CDK10: variants seen among roughly 807,000 people sequenced by gnomAD.
The protein encoded by CDK10 is cyclin-dependent kinase 10.
CDK10 carries 55 observed loss-of-function variants against 51.0 expected under a neutral mutation model. The ratio of observed to expected loss-of-function variants is 1.08; its 90% CI spans 0.87 to 1.35. The LOEUF (loss-of-function observed/expected upper bound fraction) is 1.35, where lower values mean the gene tolerates loss of function less well. CDK10 is among the 40% of genes most tolerant of loss of function. The pLI, the probability that CDK10 is intolerant of heterozygous loss-of-function variation, is 0.00. For missense variants in CDK10, 589 were observed against 485.1 expected (o/e 1.21, Z -2.01); for synonymous variants, 255 against 199.1 (o/e 1.28, Z -2.36).
chr16:89,687,258 G>C (rs1426696986), intron 1 of CDK10: 5 of 331,764 alleles, frequency 1.5e-5, no homozygotes, highest in Admixed American at 1.1e-4. Flanking sequence ...CCCTGGGCGC[G>C]TCCCTTGCGG....
intron 1 of CDK10, among the ~76,000 whole-genome samples, chr16:89,688,780 A>G (rs1028041254): frequency 6.6e-6 from 1 of 152,206 alleles, no homozygotes; most frequent in Non-Finnish European, 1.5e-5. Context: ...GCATTGGCCC[A>G]GTATCGTCAC....
At chr16:89,687,603 G>T (rs1176478375) in intron 1 of CDK10, 2 of 444,648 alleles carry the variant, frequency 4.5e-6, no homozygotes, top group Non-Finnish European at 9.2e-6. Context: ...TAGCGCTCTC[G>T]CCCAGGCTGG....
rs1388367832 is a variant in CDK10 at position 89,694,729 on chromosome 16, A to T, written c.733A>T (p.Ile245Phe). 1 of 1,579,300 alleles carries T rather than the reference A, an allele frequency of 6.3e-7. No homozygotes were observed. The highest frequency in any genetic ancestry group is 8.6e-7 in the Non-Finnish European group (1 of 1,163,180). Reference sequence around the variant, plus strand: ...GCCTCTTCTCCCCGGCACTTCCGAGATCCACCAGATCGACTTGATCGTGCA... The same window carrying T: ...GCCTCTTCTCCCCGGCACTTCCGAGTTCCACCAGATCGACTTGATCGTGCA... ...HRPLLPGTSE[I>F]HQIDLIVQLL... The change falls in exon 10 of 13, where the codon ATC becomes TTC. Residue 245 changes from isoleucine (I) to phenylalanine (F), a missense_variant. Physicochemically the swap from Ile to Phe is conservative, Grantham distance 21. Coordinates refer to ENST00000353379, the MANE Select transcript of CDK10 (RefSeq NM_052988.5).
chr16:89,694,172 G>C lies in CDK10; in HGVS notation c.609-1G>C. On this transcript the variant is annotated splice_acceptor_variant, in intron 8 of 12. Transcript: ENST00000353379. LOFTEE classifies it high-confidence loss of function. ...ATTGAGGTGGGTGCTTCTGTGTGTA[G>C]GTACCGAGCCCCTGAACTGCTGTTG... 6.2e-7 allele frequency: 1 copy of C among 1,614,016 alleles called. No individual in the cohort carries two copies. The highest frequency in any genetic ancestry group is 1.1e-5 in the South Asian group (1 of 91,074).
intron 2 of CDK10, 180 bp from the exon 3 acceptor site, chr16:89,690,373 C>T (rs1450957706): frequency 1.3e-5 from 8 of 621,212 alleles, no homozygotes; most frequent in African/African-American, 1.8e-5. Context: ...GGAAACCCTC[C>T]GGGGGAACGC....
chr16:89,695,638 C>T lies in CDK10; in HGVS notation c.1029C>T (p.Asn343=). The change falls in exon 13 of 13, where the codon AAC becomes AAT. Residue 343 remains asparagine (N), a synonymous_variant. Transcript: ENST00000353379. ...TGCCGACCTTTCCCCACCACCGCAACAAGCGGGCCGCCCCAGCCACCTCCG... is the reference window on the plus strand; with the variant it reads ...TGCCGACCTTTCCCCACCACCGCAATAAGCGGGCCGCCCCAGCCACCTCCG... The part of the protein sequence containing the change: ...ELMPTFPHHR[N]KRAAPATSEG... 6.2e-7 allele frequency: 1 copy of T among 1,605,688 alleles called. No individual in the cohort carries two copies. Among genetic ancestry groups the T allele is most frequent in the Non-Finnish European group, 8.5e-7 (1 of 1,177,672 alleles).
Position 89,695,597 on chromosome 16 carries a change from T to C in CDK10, c.988T>C (p.Cys330Arg). Residue 330 changes from cysteine to arginine, a missense_variant and splice_region_variant, in exon 13 of 13, where the codon TGT becomes CGT. By Grantham distance (180) the Cys-to-Arg change is radical. Coordinates refer to ENST00000353379, the MANE Select transcript of CDK10 (RefSeq NM_052988.5). Reference protein sequence around the residue: ...SSYFKEKPLPCEPELMPTFPH... With the variant: ...SSYFKEKPLPREPELMPTFPH... ...GCACTGAACCCTTCTCCCTGCAGCC[T>C]GTGAGCCGGAGCTCATGCCGACCTT... The C allele has an allele frequency of 6.2e-7, 1 of 1,602,510 alleles. No homozygotes were observed. The highest frequency in any genetic ancestry group is 2.3e-5 in the East Asian group (1 of 44,118).
Position 89,695,544 on chromosome 16 carries a change from C to G in CDK10, c.986-51C>G, listed in dbSNP as rs574376606. On this transcript the variant is annotated intron_variant, in intron 12 of 12. Transcript: ENST00000353379. Reference sequence around the variant, plus strand: ...AGCTGGACTCAGACCTGGGCCTGCTCCTCCTATCTGGGGCCCTGCCCCGCC... The same window carrying G: ...AGCTGGACTCAGACCTGGGCCTGCTGCTCCTATCTGGGGCCCTGCCCCGCC... 1.3e-5 allele frequency: 20 copies of G among 1,565,720 alleles called. No homozygotes were observed. The East Asian group carries it at 4.8e-4, about 37-fold the overall frequency.
intron 6 of CDK10, 60 bp downstream of exon 6, chr16:89,692,576 C>T (rs2060501243): frequency 7.8e-7 from 1 of 1,282,160 alleles, no homozygotes; most frequent in African/African-American, 1.5e-5. Flanking sequence ...ACTCTGCTGC[C>T]CCTGTGGAGT....
At chr16:89,689,941 C>T (rs11076612) in intron 2 of CDK10, 61,239 of 153,564 alleles carry the variant, frequency 0.4, 13,990 homozygotes, top group African/African-American at 0.62. Flanking sequence ...GCCTCGGCCT[C>T]CCAAAGCACT....
rs1362376743 is a variant in CDK10 at position 89,693,454 on chromosome 16, G to T, written c.595G>T (p.Val199Leu). Residue 199 changes from valine to leucine, a missense_variant, in exon 8 of 13, where the codon GTG becomes TTG. Val to Leu is a conservative substitution (Grantham distance 32). Coordinates refer to ENST00000353379, the MANE Select transcript of CDK10 (RefSeq NM_052988.5). ...CCCAGTAAAGCCAATGACCCCCAAG[G>T]TGGTCACTCTCTGGTAAGTCCTTCT... ...GVPVKPMTPK[V>L]VTLWYRAPEL... is the part of the protein sequence containing the mutation. 6.2e-7 allele frequency: 1 copy of T among 1,614,170 alleles called. No individual in the cohort carries two copies. The highest frequency in any genetic ancestry group is 1.1e-5 in the South Asian group (1 of 91,082).
rs762430233 is a variant in CDK10, at chr16:89,689,336, A to C, written c.160+12A>C. On this transcript the variant is annotated intron_variant, in intron 2 of 12. Transcript: ENST00000353379. ...CTACGGCATTGTGTGTGAGTGGCCAAGGCTAGGACATGTGGCCGCAGCTCG... is the reference window on the plus strand; with the variant it reads ...CTACGGCATTGTGTGTGAGTGGCCACGGCTAGGACATGTGGCCGCAGCTCG... 1.2e-6 allele frequency: 2 copies of C among 1,611,524 alleles called. No individual in the cohort carries two copies. Among genetic ancestry groups the C allele is most frequent in the East Asian group, 4.5e-5 (2 of 44,880 alleles).
chr16:89,692,300 G>C (rs534118616), intron 5 of CDK10, 149 bp from the exon 6 acceptor site: 7 of 565,758 alleles, frequency 1.2e-5, no homozygotes, highest in South Asian at 1.0e-4. Context: ...TGCTGGGAGC[G>C]TGCAGCCCCG....
intron 1 of CDK10, 158 bp downstream of exon 1, chr16:89,686,955 G>C: frequency 1.6e-6 from 1 of 625,154 alleles, no homozygotes; most frequent in Non-Finnish European, 2.6e-6. Context: ...AAGCCGGGGC[G>C]GGGCGGGCTC....
intron 2 of CDK10, 79 bp from the exon 3 acceptor site, chr16:89,690,474 G>A: frequency 7.8e-7 from 1 of 1,275,682 alleles, no homozygotes; most frequent in Non-Finnish European, 1.1e-6. Flanking sequence ...CTGTGGCTCA[G>A]GGAGAGCCTC....
rs74962884 is a variant in CDK10, at chr16:89,693,842, C to G, written c.609-331C>G. On this transcript the variant is annotated intron_variant, in intron 8 of 12. Transcript: ENST00000353379. The stretch of plus-strand genomic sequence containing the variant: ...TTAACCAAACAGGGTCATGCTTAGC[C>G]AGGGCTGAATATCAGAGTTGGTCAG... 0.013 allele frequency: 6,903 copies of G among 551,538 alleles called. 541 individuals are homozygous for G. The East Asian group carries it at 0.15, about 12-fold the overall frequency. 34.2% of individuals were successfully genotyped at this position (551,538 alleles called of 1,614,324 possible). A position where few individuals can be genotyped will look rare whatever the true frequency, so the allele number is the denominator to read the frequency against.
chr16:89,695,217 TCA>T (rs1160356507), intron 11 of CDK10, 74 bp from the exon 12 acceptor site: 7 of 1,548,050 alleles, frequency 4.5e-6, no homozygotes, highest in Middle Eastern at 3.4e-4. Flanking sequence ...AGCATTTGAA[TCA>T]CAGGCTGCTC....
rs2060589124 is a variant in CDK10 at position 89,694,238 on chromosome 16, G to A, written c.668+6G>A. The A allele has an allele frequency of 1.9e-6, 3 of 1,613,584 alleles. No individual in the cohort carries two copies. The highest frequency in any genetic ancestry group is 4.5e-5 in the East Asian group (2 of 44,884). On this transcript the variant is annotated splice_donor_region_variant and intron_variant, in intron 9 of 12. Transcript: ENST00000353379. Reference sequence around the variant, plus strand: ...ACCACCAGCATCGACATGTGGTGAGGAGATACGGTTACCGCTCCTGGGGCC... The same window carrying A: ...ACCACCAGCATCGACATGTGGTGAGAAGATACGGTTACCGCTCCTGGGGCC...
Position 89,694,227 on chromosome 16 carries a change from C to G in CDK10, c.663C>G (p.Asp221Glu). 1 of 1,613,860 alleles carries G rather than the reference C, an allele frequency of 6.2e-7. No individual in the cohort carries two copies. The highest frequency in any genetic ancestry group is 2.2e-5 in the East Asian group (1 of 44,876). The change falls in exon 9 of 13, where the codon GAC becomes GAG. Residue 221 changes from aspartate (D) to glutamate (E), a missense_variant. Transcript: ENST00000353379. ...LGTTTQTTSI[D>E]MWAVGCILAE... is the part of the protein sequence containing the mutation. ...CCACCACGCAGACCACCAGCATCGA[C>G]ATGTGGTGAGGAGATACGGTTACCG...
Sources: gnomAD v4.1 joint callset for allele counts (sites outside exome capture counted in the v4.1 genomes callset) on GRCh38, gnomAD v4.1.1 for gene constraint, MANE v1.5 for transcripts, NCBI Gene and HGNC (gene_info 2026-07-23, HGNC 2026-07-21) for gene names.